KALRN: variants seen among roughly 807,000 people sequenced by gnomAD.
The protein encoded by KALRN is kalirin.
Under a neutral mutation model 353.7 loss-of-function variants are expected in KALRN, and 70 were observed. The observed-to-expected ratio is 0.20, with a 90% confidence interval of 0.16 to 0.24. KALRN has a LOEUF of 0.24. Among genes scored for constraint, KALRN ranks in the 10% least tolerant of loss-of-function variants. The probability of loss-of-function intolerance (pLI) is 1.00; values close to 1 mark genes in which losing one functional copy is unlikely to be tolerated. For missense variants in KALRN, 2,791 were observed against 3,756.7 expected (o/e 0.74, Z 6.72); for synonymous variants, 1,391 against 1,434.8 (o/e 0.97, Z 0.69).
chr3:124,474,874 C>T (rs2061295442), intron 26 of KALRN, 142 bp downstream of exon 26: 8 of 716,702 alleles, frequency 1.1e-5, no homozygotes, highest in South Asian at 1.1e-4. Context: ...TGAGAGAAGC[C>T]TTGGGAAAAG....
chr3:124,642,360 T>C (rs2082132815), intron 37 of KALRN, among the ~76,000 whole-genome samples: 1 of 152,098 alleles, frequency 6.6e-6, no homozygotes, highest in African/African-American at 2.4e-5. Flanking sequence ...GAGCTCGTCA[T>C]TGGGTGGCAC....
intron 3 of KALRN, among the ~76,000 whole-genome samples, chr3:124,258,959 T>C (rs1390200945): frequency 6.6e-6 from 1 of 152,236 alleles, no homozygotes. Flanking sequence ...TACATTATTA[T>C]TCATAACACT....
chr3:124,516,156 T>G lies in KALRN; in HGVS notation c.4935+19743T>G, dbSNP rs2066521451. Among the ~76,000 whole-genome samples, 3 of 152,200 alleles carry G rather than the reference T, an allele frequency of 2.0e-5. No individual in the cohort carries two copies. The South Asian group carries it at 6.2e-4, about 32-fold the overall frequency. ...GTTAGGTCCTCAGGGACAGGATAGATTCTTATGTGAGGAATGCTTTCCAAG... is the reference window on the plus strand; with the variant it reads ...GTTAGGTCCTCAGGGACAGGATAGAGTCTTATGTGAGGAATGCTTTCCAAG... On this transcript the variant is annotated intron_variant, in intron 33 of 59. Coordinates refer to ENST00000682506, the MANE Select transcript of KALRN (RefSeq NM_001388419.1).
chr3:124,146,429 A>G (rs966670712), intron 1 of KALRN, among the ~76,000 whole-genome samples: 1 of 152,212 alleles, frequency 6.6e-6, no homozygotes, highest in Non-Finnish European at 1.5e-5. Flanking sequence ...GTACTAGTCT[A>G]TAACAGATTA....
chr3:124,455,961 T>C (rs1408456841), intron 22 of KALRN, among the ~76,000 whole-genome samples: 1 of 152,206 alleles, frequency 6.6e-6, no homozygotes, highest in Non-Finnish European at 1.5e-5. Flanking sequence ...GCTCATGATC[T>C]GAAGCAGAGC....
intron 44 of KALRN, 99 bp from the exon 45 acceptor site, chr3:124,661,752 C>A: frequency 1.1e-6 from 1 of 894,954 alleles, no homozygotes; most frequent in South Asian, 1.3e-5. Flanking sequence ...ATAAAGGAGC[C>A]ACCAGAGATG....
At chr3:124,680,762 G>T (rs555429732) in intron 51 of KALRN, among the ~76,000 whole-genome samples, 9 of 152,334 alleles carry the variant, frequency 5.9e-5, no homozygotes, top group African/African-American at 1.9e-4. Flanking sequence ...CCAGGATAGA[G>T]TAGTCCCCTG....
chr3:124,337,417 T>C (rs1485381384), intron 9 of KALRN, among the ~76,000 whole-genome samples: 3 of 152,212 alleles, frequency 2.0e-5, no homozygotes, highest in Non-Finnish European at 4.4e-5. Context: ...GTTTTTGTCA[T>C]TGATTCTGTT....
At chr3:124,047,555 C>T (rs543837358) in intron 1 of KALRN, among the ~76,000 whole-genome samples, 46 of 146,586 alleles carry the variant, frequency 3.1e-4, no homozygotes, top group Admixed American at 5.5e-4. Flanking sequence ...TGCAGTGGCG[C>T]GATCTCTGTT....
At chr3:124,692,628 G>C (rs991592656) in intron 51 of KALRN, among the ~76,000 whole-genome samples, 9 of 152,214 alleles carry the variant, frequency 5.9e-5, no homozygotes, top group African/African-American at 2.2e-4. Flanking sequence ...CTTAGCAGAA[G>C]GAAGATGATT....
At chr3:124,330,437 G>A (rs912685343) in intron 8 of KALRN, among the ~76,000 whole-genome samples, 8 of 151,976 alleles carry the variant, frequency 5.3e-5, no homozygotes, top group Non-Finnish European at 1.2e-4. Flanking sequence ...TTTTTATGAA[G>A]CAGCTCATTA....
At position 124,563,003 on chromosome 3, in the gene KALRN, T is replaced by G; in HGVS notation, c.5096T>G (p.Leu1699Trp). 7.3e-7 allele frequency: 1 copy of G among 1,367,878 alleles called. No individual in the cohort carries two copies. Among genetic ancestry groups the G allele is most frequent in the Non-Finnish European group, 9.8e-7 (1 of 1,021,996 alleles). The allele number at this position is 1,367,878 out of a possible 1,614,324, so 84.7% of individuals were successfully genotyped here. The change falls in exon 34 of 60, where the codon TTG becomes TGG. Residue 1699 changes from leucine (L) to tryptophan (W), a missense_variant. Physicochemically the swap from Leu to Trp is moderately conservative, Grantham distance 61. This residue lies in a region of KALRN where 239 missense variants were observed against 351.3 expected (regional missense o/e 0.68). Coordinates refer to ENST00000682506, the MANE Select transcript of KALRN (RefSeq NM_001388419.1). ...LVRTTERSPPLEGLVPSSALC... is the reference protein window; with the variant it reads ...LVRTTERSPPWEGLVPSSALC... ...CGTACCACCGAACGGAGCCCGCCCT[T>G]GGAGGGTCTGGTCCCCAGCAGCGCC... is the stretch of plus-strand genomic sequence containing the variant.
chr3:124,272,549 G>A (rs1020099571), intron 5 of KALRN, among the ~76,000 whole-genome samples: 1 of 152,144 alleles, frequency 6.6e-6, no homozygotes, highest in Non-Finnish European at 1.5e-5. Context: ...GGAGTGTGGG[G>A]GAGTGGGCGA....
intron 34 of KALRN, among the ~76,000 whole-genome samples, chr3:124,568,112 G>T (rs925072962): frequency 6.6e-6 from 1 of 152,094 alleles, no homozygotes; most frequent in Non-Finnish European, 1.5e-5. Flanking sequence ...AAAGGTTGAG[G>T]GTTAATGTCC....
chr3:124,679,323 A>T, intron 50 of KALRN, 135 bp from the exon 51 acceptor site: 1 of 727,688 alleles, frequency 1.4e-6, no homozygotes. Context: ...CCCCCACTTT[A>T]AAAACACCTG....
chr3:124,110,467 G>GTGCACACA (rs1380649365), intron 1 of KALRN, among the ~76,000 whole-genome samples: 1 of 54,166 alleles, frequency 1.8e-5, no homozygotes, highest in East Asian at 2.3e-3. Context: ...ATACACACGC[G>GTGCACACA]CGCACACACA....
intron 10 of KALRN, among the ~76,000 whole-genome samples, chr3:124,359,588 G>A (rs1180654032): frequency 6.6e-6 from 1 of 152,134 alleles, no homozygotes; most frequent in Non-Finnish European, 1.5e-5. Context: ...TTTGGCCCTG[G>A]ACCTTGTGAA....
At chr3:124,127,934 C>T (rs557532433) in intron 1 of KALRN, among the ~76,000 whole-genome samples, 23 of 151,884 alleles carry the variant, frequency 1.5e-4, no homozygotes, top group Non-Finnish European at 8.8e-5. Context: ...TTTTCTTTCT[C>T]TTATGCTTCA....
At chr3:124,650,718 A>T (rs1278532560) in intron 37 of KALRN, 90 bp from the exon 38 acceptor site, 1 of 1,311,030 alleles carries the variant, frequency 7.6e-7, no homozygotes, top group African/African-American at 1.5e-5. Flanking sequence ...CTGATTTTCC[A>T]TGTTGTCTGT....
Sources: allele counts gnomAD v4.1 joint callset (sites outside exome capture counted in the v4.1 genomes callset), GRCh38; gene constraint gnomAD v4.1.1; regional missense constraint gnomAD v4.1.1; transcripts MANE v1.5; gene names NCBI Gene and HGNC (gene_info 2026-07-23, HGNC 2026-07-21).